PKD1L1: variants seen among roughly 807,000 people sequenced by gnomAD.
PKD1L1 encodes the protein polycystin-1-like protein 1.
A neutral mutation model predicts 323.4 loss-of-function variants in PKD1L1; 236 were observed. The observed-to-expected ratio is 0.73, with a 90% confidence interval of 0.66 to 0.81. The LOEUF is 0.81. PKD1L1 is among the 40% of genes least tolerant of loss of function. PKD1L1 has a pLI of 0.00. For missense variants in PKD1L1, 3,320 were observed against 3,508.0 expected, an observed-to-expected ratio of 0.95 and a Z score of 1.35; for synonymous variants, 1,344 against 1,335.0, an observed-to-expected ratio of 1.01 and a Z score of -0.15.
chr7:47,930,220 GTTT>G (rs760416371), intron 6 of PKD1L1, among the ~76,000 whole-genome samples: 1 of 145,528 alleles, frequency 6.9e-6, no homozygotes, highest in Non-Finnish European at 1.5e-5. Flanking sequence ...ATGCTCCCAT[GTTT>G]TTTTTTTTTT....
chr7:47,879,523 C>G (rs1312170367), intron 21 of PKD1L1, among the ~76,000 whole-genome samples: 1 of 145,492 alleles, frequency 6.9e-6, no homozygotes, highest in South Asian at 2.2e-4. Context: ...ATCCCAGTTA[C>G]TCGGGAGGCT....
chr7:47,867,504 T>G (rs1583632916), intron 24 of PKD1L1, among the ~76,000 whole-genome samples: 1 of 152,230 alleles, frequency 6.6e-6, no homozygotes, highest in South Asian at 2.1e-4. Flanking sequence ...GTGGCTGCAA[T>G]ATATTATCTA....
At chr7:47,845,349 G>A (rs1785643993) in intron 32 of PKD1L1, among the ~76,000 whole-genome samples, 1 of 152,174 alleles carries the variant, frequency 6.6e-6, no homozygotes, top group Non-Finnish European at 1.5e-5. Context: ...GCATATGGCG[G>A]TCTTCATGAC....
At chr7:47,901,731 G>A (rs750690742) in intron 13 of PKD1L1, among the ~76,000 whole-genome samples, 24 of 152,186 alleles carry the variant, frequency 1.6e-4, no homozygotes, top group East Asian at 1.9e-4. Flanking sequence ...CACCCTCTGC[G>A]GGCTGACCTC....
rs1788100788 is a variant in PKD1L1 at position 47,946,521 on chromosome 7, CCA to C, written c.44+1874_44+1875del. ...CACAAACACACCATACACACAAACA[CCA>C]CACACACACCAACACATTACACACA... is the stretch of plus-strand genomic sequence containing the variant. On this transcript the variant is annotated intron_variant, in intron 1 of 56. Coordinates refer to ENST00000289672, the MANE Select transcript of PKD1L1 (RefSeq NM_138295.5). This position sits in a 1 kb window ranked among gnomAD's most constrained non-coding sequence, Gnocchi z 4.1. Among the ~76,000 whole-genome samples, 1 of 150,674 alleles carries C rather than the reference CCA, an allele frequency of 6.6e-6. No individual in the cohort carries two copies. The highest frequency in any genetic ancestry group is 1.5e-5 in the Non-Finnish European group (1 of 67,546).
rs766431727 is a variant in PKD1L1 at position 47,888,047 on chromosome 7, G to A, written c.2779C>T (p.Leu927=). The A allele has an allele frequency of 6.2e-7, 1 of 1,613,996 alleles. No individual in the cohort carries two copies. Among genetic ancestry groups the A allele is most frequent in the Admixed American group, 1.7e-5 (1 of 60,030 alleles). ...AAAAAGAGATCCCAGGAATAAGACA[G>A]ATTCGGTATTTCACTGCAGTCCTCA... ...MCEDCSEIPN[L]SYSWDLFLVN... Residue 927 remains leucine (L), a synonymous_variant, in exon 17 of 57, where the codon CTG becomes TTG. Coordinates refer to ENST00000289672, the MANE Select transcript of PKD1L1 (RefSeq NM_138295.5).
At chr7:47,850,707 T>C (rs1470669620) in intron 31 of PKD1L1, among the ~76,000 whole-genome samples, 1 of 149,900 alleles carries the variant, frequency 6.7e-6, no homozygotes, top group Non-Finnish European at 1.5e-5. Flanking sequence ...CCTAGCTGTA[T>C]ATAAAACGTA....
At chr7:47,897,922 T>C in intron 14 of PKD1L1, 66 bp downstream of exon 14, 3 of 1,330,070 alleles carry the variant, frequency 2.3e-6, no homozygotes, top group Non-Finnish European at 1.0e-6. Flanking sequence ...TGCTGAGCTC[T>C]TGCTCCAGGG....
chr7:47,811,725 G>C, intron 50 of PKD1L1, 92 bp downstream of exon 50: 1 of 995,296 alleles, frequency 1.0e-6, no homozygotes, highest in Admixed American at 2.2e-5. Flanking sequence ...GAATGGGTAG[G>C]GAACTAGTCC....
rs781599981 is a variant in PKD1L1, at chr7:47,792,714, G to T, written c.8439C>A (p.Pro2813=). Residue 2813 remains proline, a synonymous_variant, in exon 56 of 57, where the codon CCC becomes CCA. Transcript: ENST00000289672. ...INGLSDSLQL[P]LLEKTSNNTG... Reference sequence around the variant, plus strand: ...TGTTGTTGGATGTTTTTTCCAGAAGGGGGAGTTGTAGGCTGTCGGACAAAC... The same window carrying T: ...TGTTGTTGGATGTTTTTTCCAGAAGTGGGAGTTGTAGGCTGTCGGACAAAC... 1.9e-6 allele frequency: 3 copies of T among 1,614,076 alleles called. No individual in the cohort carries two copies. The highest frequency in any genetic ancestry group is 4.5e-5 in the East Asian group (2 of 44,864).
chr7:47,859,661 C>CTT (rs1785982440), intron 26 of PKD1L1, among the ~76,000 whole-genome samples: 1 of 144,944 alleles, frequency 6.9e-6, no homozygotes, highest in Non-Finnish European at 1.5e-5. Flanking sequence ...GAGTTTGACT[C>CTT]TATCGCCCAG....
intron 8 of PKD1L1, among the ~76,000 whole-genome samples, chr7:47,913,175 C>T (rs950699365): frequency 2.0e-5 from 3 of 152,112 alleles, no homozygotes; most frequent in Non-Finnish European, 4.4e-5. Flanking sequence ...AGCACACTGT[C>T]GTTCCAACAT....
At chr7:47,834,072 T>C (rs1337380081) in intron 40 of PKD1L1, among the ~76,000 whole-genome samples, 1 of 152,232 alleles carries the variant, frequency 6.6e-6, no homozygotes, top group Non-Finnish European at 1.5e-5. Flanking sequence ...TTCCTTCCTG[T>C]TTCAGGCCTC....
At chr7:47,811,462 TCTCTTTTTAA>T (rs1256929066) in intron 50 of PKD1L1, among the ~76,000 whole-genome samples, 14 of 152,106 alleles carry the variant, frequency 9.2e-5, no homozygotes, top group African/African-American at 3.1e-4. Flanking sequence ...GCCATAAATG[TCTCTTTTTAA>T]AGCACCCAGT....
chr7:47,815,347 A>C lies in PKD1L1; in HGVS notation c.7076T>G (p.Val2359Gly). The change falls in exon 47 of 57, where the codon GTG becomes GGG. Residue 2359 changes from valine (V) to glycine (G), a missense_variant. Transcript: ENST00000289672. ...LYPGGTPSAR[V>G]PGAQPGALGG... is the part of the protein sequence containing the mutation. ...CGGAAAGCTCACCTGAGCCCCCGGCACACGGGCTGACGGGGTGCCTCCCGG... is the reference window on the plus strand; with the variant it reads ...CGGAAAGCTCACCTGAGCCCCCGGCCCACGGGCTGACGGGGTGCCTCCCGG... 1 of 1,614,092 alleles carries C rather than the reference A, an allele frequency of 6.2e-7. No homozygotes were observed. Among genetic ancestry groups the C allele is most frequent in the Non-Finnish European group, 8.5e-7 (1 of 1,179,992 alleles).
At position 47,788,577 on chromosome 7, in the gene PKD1L1, A is replaced by ATATATAT. The variant is rs939251075; in HGVS notation, c.8526+4049_8526+4050insATATATA. ...CCAGCCCAGTTATATATATATATAT[A>ATATATAT]TTTTTTTTTTTTAATTTTAATTTTA... On this transcript the variant is annotated intron_variant, in intron 56 of 56. Transcript: ENST00000289672. Among the ~76,000 whole-genome samples, 563 of 138,046 alleles carry ATATATAT rather than the reference A, an allele frequency of 4.1e-3. 3 individuals are homozygous for ATATATAT. The highest frequency in any genetic ancestry group is 0.012 in the Middle Eastern group (3 of 260). 90.6% of individuals were successfully genotyped at this position (138,046 alleles called of 152,430 possible).
At chr7:47,822,608 A>C (rs931292737) in intron 45 of PKD1L1, among the ~76,000 whole-genome samples, 14 of 151,128 alleles carry the variant, frequency 9.3e-5, no homozygotes, top group South Asian at 2.1e-4. Flanking sequence ...AAAAAAAAAA[A>C]AAAAAAAAAA....
intron 43 of PKD1L1, 144 bp downstream of exon 43, chr7:47,829,896 C>T: frequency 2.4e-6 from 2 of 841,168 alleles, no homozygotes; most frequent in Non-Finnish European, 3.9e-6. Flanking sequence ...TAGCACAGAG[C>T]CTGGCTCCTG....
At chr7:47,800,900 G>A (rs752661236) in intron 53 of PKD1L1, 21 bp from the exon 54 acceptor site, 4 of 1,601,830 alleles carry the variant, frequency 2.5e-6, no homozygotes, top group Non-Finnish European at 3.4e-6. Context: ...AAAATCCAGA[G>A]AGCACTGACC....
Sources: gnomAD v4.1 joint callset for allele counts (sites outside exome capture counted in the v4.1 genomes callset) on GRCh38, gnomAD v4.1.1 for gene constraint, Gnocchi (gnomAD v3.1) non-coding constraint, MANE v1.5 for transcripts, NCBI Gene and HGNC (gene_info 2026-07-23, HGNC 2026-07-21) for gene names.